The following ABCA13 variants were observed in gnomAD, a reference collection of about 807,000 sequenced individuals.
ABCA13 encodes ATP-binding cassette sub-family A member 13.
In ABCA13, 476 loss-of-function variants were observed where a neutral mutation model predicts 478.7. That is an observed-to-expected ratio of 0.99 (90% CI 0.92 to 1.07). The LOEUF (loss-of-function observed/expected upper bound fraction) is 1.07. Among genes scored for constraint, ABCA13 ranks in the 50% least tolerant of loss-of-function variants. The probability of loss-of-function intolerance (pLI) is 0.00; values close to 1 mark genes in which losing one functional copy is unlikely to be tolerated. For missense variants in ABCA13, 6,060 were observed against 5,910.6 expected (o/e 1.03, Z -0.83); for synonymous variants, 2,252 against 2,158.9 (o/e 1.04, Z -1.20).
chr7:48,439,086 A>T (rs1823239394), intron 42 of ABCA13, among the ~76,000 whole-genome samples: 1 of 152,112 alleles, frequency 6.6e-6, no homozygotes, highest in Admixed American at 6.5e-5. Context: ...ATTACCATCA[A>T]CAGAACAGAT....
At chr7:48,306,965 C>T (rs1800990413) in intron 23 of ABCA13, among the ~76,000 whole-genome samples, 1 of 152,074 alleles carries the variant, frequency 6.6e-6, no homozygotes, top group Admixed American at 6.6e-5. Flanking sequence ...TAAGAAAGTC[C>T]CCCAAGGAAG....
At chr7:48,483,387 TCAC>T (rs1300709879) in intron 47 of ABCA13, among the ~76,000 whole-genome samples, 1 of 152,194 alleles carries the variant, frequency 6.6e-6, no homozygotes, top group African/African-American at 2.4e-5. Flanking sequence ...AGACAGGACT[TCAC>T]CTAGTAAATA....
At chr7:48,421,176 C>G (rs1487847393) in intron 41 of ABCA13, among the ~76,000 whole-genome samples, 1 of 149,310 alleles carries the variant, frequency 6.7e-6, no homozygotes, top group Non-Finnish European at 1.5e-5. Flanking sequence ...CTTTCCCACT[C>G]TTAAGTTAAT....
In ABCA13 at chr7:48,332,167, T is replaced by C. The variant is rs73323750; in HGVS notation, c.10000-3255T>C. ...CACATTGTGGGACATCTGGGTTGTT[T>C]CCAGCTTTTGGCTATTGTGTCTTCT... On this transcript the variant is annotated intron_variant, in intron 27 of 61. Coordinates refer to ENST00000435803, the MANE Select transcript of ABCA13 (RefSeq NM_152701.5). Among the ~76,000 whole-genome samples, 1,385 of 152,346 alleles carry C rather than the reference T, an allele frequency of 9.1e-3. 31 individuals carry two copies. The highest frequency in any genetic ancestry group is 0.031 in the African/African-American group (1,305 of 41,572).
chr7:48,399,161 A>G (rs1310093569), intron 38 of ABCA13, among the ~76,000 whole-genome samples: 1 of 152,328 alleles, frequency 6.6e-6, no homozygotes, highest in Admixed American at 6.5e-5. Flanking sequence ...AAAAAAGCAA[A>G]GAAATATGAT....
intron 55 of ABCA13, among the ~76,000 whole-genome samples, chr7:48,562,592 A>G (rs974022690): frequency 6.6e-6 from 1 of 152,198 alleles, no homozygotes; most frequent in Admixed American, 6.5e-5. Context: ...AGAATCAAAT[A>G]TAATTCTGAA....
chr7:48,444,923 GC>G (rs1824083285), intron 42 of ABCA13, among the ~76,000 whole-genome samples: 1 of 151,604 alleles, frequency 6.6e-6, no homozygotes, highest in African/African-American at 2.4e-5. Context: ...TTTTCCTCTT[GC>G]CCTCCATATG....
At chr7:48,405,102 A>G (rs1818089422) in intron 39 of ABCA13, among the ~76,000 whole-genome samples, 1 of 152,222 alleles carries the variant, frequency 6.6e-6, no homozygotes, top group South Asian at 2.1e-4. Flanking sequence ...CTACCTTTTC[A>G]TGCCCATGAA....
chr7:48,540,862 TTTATTA>T (rs781450851), intron 55 of ABCA13, among the ~76,000 whole-genome samples: 43 of 152,076 alleles, frequency 2.8e-4, no homozygotes, highest in Admixed American at 5.2e-4. Flanking sequence ...CACATGCATT[TTTATTA>T]TTATTATTTT....
chr7:48,644,851 C>A (rs1795333961), intron 61 of ABCA13, 97 bp downstream of exon 61: 1 of 1,217,046 alleles, frequency 8.2e-7, no homozygotes, highest in Non-Finnish European at 1.1e-6. Context: ...TTCAATTCAC[C>A]ACTTTATTCA....
chr7:48,249,422 A>G, intron 15 of ABCA13, 71 bp downstream of exon 15: 1 of 1,588,266 alleles, frequency 6.3e-7, no homozygotes, highest in South Asian at 1.2e-5. Flanking sequence ...TAATTTCCTG[A>G]GAGTCCATCC....
chr7:48,473,915 C>T (rs762368989), intron 45 of ABCA13, among the ~76,000 whole-genome samples: 3 of 152,194 alleles, frequency 2.0e-5, no homozygotes, highest in Non-Finnish European at 4.4e-5. Flanking sequence ...TGACACAGTA[C>T]GCTTAGTGAG....
At chr7:48,367,447 T>G (rs781176048) in intron 31 of ABCA13, among the ~76,000 whole-genome samples, 1 of 152,210 alleles carries the variant, frequency 6.6e-6, no homozygotes, top group Non-Finnish European at 1.5e-5. Flanking sequence ...TAATTGAAGA[T>G]AGATAATGGT....
intron 46 of ABCA13, among the ~76,000 whole-genome samples, chr7:48,481,795 G>A (rs556144955): frequency 3.8e-4 from 58 of 152,080 alleles, no homozygotes; most frequent in Middle Eastern, 3.4e-3. Context: ...GGCATGAGCC[G>A]ATAGCTTTTT....
At position 48,520,067 on chromosome 7, in the gene ABCA13, C is replaced by G; in HGVS notation, c.13824C>G (p.Leu4608=). The change falls in exon 53 of 62, where the codon CTC becomes CTG. Residue 4608 remains leucine, a synonymous_variant. Transcript: ENST00000435803. The part of the protein sequence containing the change: ...AKNLQNIYDV[L]KWVFTIFPQF... ...ATTTACAGAATATCTATGATGTCCT[C>G]AAGTGGGTCTTTACTATTTTTCCTC... The G allele has an allele frequency of 6.2e-7, 1 of 1,612,956 alleles. No individual in the cohort carries two copies. Among genetic ancestry groups the G allele is most frequent in the Non-Finnish European group, 8.5e-7 (1 of 1,179,372 alleles).
intron 27 of ABCA13, among the ~76,000 whole-genome samples, chr7:48,325,071 C>A (rs1284655013): frequency 6.6e-6 from 1 of 152,158 alleles, no homozygotes; most frequent in African/African-American, 2.4e-5. Context: ...TTTACTCTGA[C>A]AATAGTTTGC....
chr7:48,644,504 T>G, intron 60 of ABCA13, 113 bp from the exon 61 acceptor site: 1 of 1,139,478 alleles, frequency 8.8e-7, no homozygotes, highest in Non-Finnish European at 1.2e-6. Context: ...CAAAATTAAG[T>G]GTAGGTTGAG....
chr7:48,374,495 A>G, intron 34 of ABCA13, 79 bp downstream of exon 34: 2 of 1,302,142 alleles, frequency 1.5e-6, no homozygotes, highest in East Asian at 2.5e-5. Context: ...CAAGTGATCC[A>G]GTAGGAAGTC....
intron 55 of ABCA13, among the ~76,000 whole-genome samples, chr7:48,560,179 A>C (rs1305763974): frequency 6.6e-6 from 1 of 152,182 alleles, no homozygotes; most frequent in Non-Finnish European, 1.5e-5. Context: ...AGGCTTGCTG[A>C]AACTCAGGTT....
Sources: gnomAD v4.1 joint callset for allele counts (sites outside exome capture counted in the v4.1 genomes callset) on GRCh38, gnomAD v4.1.1 for gene constraint, MANE v1.5 for transcripts, NCBI Gene and HGNC (gene_info 2026-07-23, HGNC 2026-07-21) for gene names.